The following ALDH18A1 variants were observed in gnomAD, a reference collection of about 807,000 sequenced individuals.
ALDH18A1 encodes the protein delta-1-pyrroline-5-carboxylate synthase.
In ALDH18A1, 44 loss-of-function variants were observed where a neutral mutation model predicts 88.8. The ratio of observed to expected loss-of-function variants is 0.50; its 90% CI spans 0.39 to 0.64. ALDH18A1 has a LOEUF of 0.64. Ranked by LOEUF, ALDH18A1 falls within the 30% of genes least tolerant of loss-of-function variation. ALDH18A1 has a pLI of 0.00. For synonymous variants in ALDH18A1, 331 were observed against 372.1 expected (o/e 0.89, Z 1.27); for missense variants, 782 against 1,009.5 (o/e 0.77, Z 3.05).
intron 12 of ALDH18A1, among the ~76,000 whole-genome samples, chr10:95,617,885 G>A (rs1359224608): frequency 6.6e-6 from 1 of 152,102 alleles, no homozygotes; most frequent in African/African-American, 2.4e-5. Flanking sequence ...AGTCATCACT[G>A]GGGCATTTCT....
intron 10 of ALDH18A1, among the ~76,000 whole-genome samples, chr10:95,625,924 T>C (rs577143074): frequency 1.3e-5 from 2 of 152,226 alleles, no homozygotes; most frequent in Admixed American, 1.3e-4. Context: ...AGTTTTTACA[T>C]CTGGTTCTTC....
At chr10:95,653,600 C>G (rs893397607) in intron 1 of ALDH18A1, among the ~76,000 whole-genome samples, 195 bp from the exon 2 acceptor site, 1 of 152,076 alleles carries the variant, frequency 6.6e-6, no homozygotes, top group African/African-American at 2.4e-5. Context: ...TAGGCCTCAA[C>G]CATCTTAGTT....
intron 13 of ALDH18A1, among the ~76,000 whole-genome samples, chr10:95,614,924 A>G (rs1166380403): frequency 6.6e-6 from 1 of 152,232 alleles, no homozygotes; most frequent in Non-Finnish European, 1.5e-5. Context: ...CAGCAATTAA[A>G]TGAGAAAACT....
intron 3 of ALDH18A1, among the ~76,000 whole-genome samples, chr10:95,638,413 T>C (rs1032844168): frequency 5.9e-5 from 9 of 152,202 alleles, no homozygotes; most frequent in African/African-American, 2.2e-4. Flanking sequence ...GCAAAAGTAA[T>C]TGCAGTTTTA....
At chr10:95,647,964 A>C (rs1317462767) in intron 2 of ALDH18A1, among the ~76,000 whole-genome samples, 2 of 152,316 alleles carry the variant, frequency 1.3e-5, no homozygotes, top group Admixed American at 1.3e-4. Context: ...ATATCTCTTC[A>C]TCTGTTTCCT....
At chr10:95,617,640 A>G (rs1424396136) in intron 12 of ALDH18A1, among the ~76,000 whole-genome samples, 1 of 152,252 alleles carries the variant, frequency 6.6e-6, no homozygotes, top group Admixed American at 6.5e-5. Context: ...AAAGTTAAGT[A>G]AACTTTCTCC....
At chr10:95,637,991 CAACAACAACAACAACAA>C (rs1474048894) in intron 3 of ALDH18A1, among the ~76,000 whole-genome samples, 4 of 147,212 alleles carry the variant, frequency 2.7e-5, no homozygotes, top group African/African-American at 1.1e-4. Flanking sequence ...ACAACAACAA[CAACAACAACAACAACAA>C]CACCCTAAGA....
chr10:95,607,092 C>G, intron 17 of ALDH18A1, 149 bp from the exon 18 acceptor site: 1 of 773,356 alleles, frequency 1.3e-6, no homozygotes, highest in Non-Finnish European at 2.3e-6. Flanking sequence ...CTGAGTCACC[C>G]TGTTCCCATA....
Position 95,648,320 on chromosome 10 carries a change from TTCATCATCATCATCA to T in ALDH18A1, c.88+4955_88+4969del, listed in dbSNP as rs56238714. On this transcript the variant is annotated intron_variant, in intron 2 of 17. Transcript: ENST00000371224. Reference sequence around the variant, plus strand: ...AGTTTGAGCTTTTCCATATTCTACCTTCATCATCATCATCATCATCATCATCATCATCATCATCAT... The same window carrying T: ...AGTTTGAGCTTTTCCATATTCTACCTTCATCATCATCATCATCATCATCAT... 2.0e-3 allele frequency among the ~76,000 whole-genome samples: 303 copies of T among 150,796 alleles called. 3 individuals are homozygous for T. Among genetic ancestry groups the T allele is most frequent in the Admixed American group, 3.9e-3 (59 of 15,118 alleles).
At chr10:95,655,681 A>AGAGT (rs1366372388) in intron 1 of ALDH18A1, among the ~76,000 whole-genome samples, 1 of 150,168 alleles carries the variant, frequency 6.7e-6, no homozygotes, top group African/African-American at 2.5e-5. Flanking sequence ...GAGCAAAGAG[A>AGAGT]GTGTGTGTGT....
At chr10:95,643,816 G>A (rs770859460) in intron 2 of ALDH18A1, among the ~76,000 whole-genome samples, 3 of 151,782 alleles carry the variant, frequency 2.0e-5, no homozygotes, top group Non-Finnish European at 2.9e-5. Context: ...AGAAAAATAT[G>A]GGTGTTTCTA....
chr10:95,616,364 C>T (rs1012918136), intron 13 of ALDH18A1, 113 bp downstream of exon 13: 2 of 1,426,672 alleles, frequency 1.4e-6, no homozygotes, highest in Admixed American at 2.0e-5. Flanking sequence ...GCTGGAGTGT[C>T]AAGTCTGCTT....
chr10:95,630,331 C>T (rs2097866730), intron 7 of ALDH18A1, among the ~76,000 whole-genome samples: 1 of 152,214 alleles, frequency 6.6e-6, no homozygotes, highest in Non-Finnish European at 1.5e-5. Flanking sequence ...TACCCACTAC[C>T]TACTTTGTAG....
chr10:95,638,152 T>C (rs1017453414), intron 3 of ALDH18A1, among the ~76,000 whole-genome samples: 19 of 152,200 alleles, frequency 1.2e-4, no homozygotes, highest in African/African-American at 4.3e-4. Flanking sequence ...TAGCTGGAAC[T>C]ACAGGCTCAT....
Position 95,655,108 on chromosome 10 carries a change from G to C in ALDH18A1, c.-29+1489C>G, listed in dbSNP as rs536502284. Among the ~76,000 whole-genome samples, 3 of 143,172 alleles carry C rather than the reference G, an allele frequency of 2.1e-5. No homozygotes were observed. In the East Asian group the frequency reaches 6.0e-4, roughly 29 times the overall value. 93.9% of individuals were successfully genotyped at this position (143,172 alleles called of 152,430 possible). On this transcript the variant is annotated intron_variant, in intron 1 of 17. Coordinates refer to ENST00000371224, the MANE Select transcript of ALDH18A1 (RefSeq NM_002860.4). ...GCTCTGCACTTGCTGTGTGTCTTGTGGAGAGTTACCCAATTTTTCTTTATT... is the reference window on the plus strand; with the variant it reads ...GCTCTGCACTTGCTGTGTGTCTTGTCGAGAGTTACCCAATTTTTCTTTATT...
chr10:95,645,472 C>T (rs565227570), intron 2 of ALDH18A1, among the ~76,000 whole-genome samples: 7 of 152,130 alleles, frequency 4.6e-5, no homozygotes, highest in Non-Finnish European at 8.8e-5. Context: ...CTAACTCACT[C>T]CCTAACCACA....
At position 95,639,936 on chromosome 10, in the gene ALDH18A1, C is replaced by T. The variant is rs370762885; in HGVS notation, c.304-2500G>A. Among the ~76,000 whole-genome samples the T allele has an allele frequency of 2.6e-5, 4 of 151,120 alleles. No homozygotes were observed. The East Asian group carries it at 7.7e-4, about 29-fold the overall frequency. On this transcript the variant is annotated intron_variant, in intron 3 of 17. Transcript: ENST00000371224. Reference sequence around the variant, plus strand: ...GGTATGAAGGCTTTTTTTTTTTTCCCCAACAAGTCTTTATAAGTTGTGGTG... The same window carrying T: ...GGTATGAAGGCTTTTTTTTTTTTCCTCAACAAGTCTTTATAAGTTGTGGTG...
Position 95,606,249 on chromosome 10 carries a change from G to A in ALDH18A1, c.*513C>T. ...AATACAAAAGGTCAATCTTCCCAGT[G>A]GAAATGATTCCATCGATTTTTGTGA... On this transcript the variant is annotated 3_prime_UTR_variant, in exon 18 of 18. Coordinates refer to ENST00000371224, the MANE Select transcript of ALDH18A1 (RefSeq NM_002860.4). 1 of 997,516 alleles carries A rather than the reference G, an allele frequency of 1.0e-6. No homozygotes were observed. Among genetic ancestry groups the A allele is most frequent in the Non-Finnish European group, 1.2e-6 (1 of 836,532 alleles). 61.8% of individuals were successfully genotyped at this position (997,516 alleles called of 1,614,324 possible). A position where few individuals can be genotyped will look rare whatever the true frequency, so the allele number is the denominator to read the frequency against.
rs1176693072 is a variant in ALDH18A1 at position 95,632,875 on chromosome 10, T to G, written c.808+84A>C. The G allele has an allele frequency of 3.3e-6, 4 of 1,214,354 alleles. No individual in the cohort carries two copies. In the Admixed American group the frequency reaches 7.1e-5, roughly 21 times the overall value. 75.2% of individuals were successfully genotyped at this position (1,214,354 alleles called of 1,614,324 possible). On this transcript the variant is annotated intron_variant, in intron 7 of 17. Transcript: ENST00000371224. Reference sequence around the variant, plus strand: ...TATAGCAAAAAAACATCAGAGGGACTCAAAGAAAGAGGGAAACTCATGTGC... The same window carrying G: ...TATAGCAAAAAAACATCAGAGGGACGCAAAGAAAGAGGGAAACTCATGTGC...
Sources: allele counts gnomAD v4.1 joint callset (sites outside exome capture counted in the v4.1 genomes callset), GRCh38; gene constraint gnomAD v4.1.1; transcripts MANE v1.5; gene names NCBI Gene and HGNC (gene_info 2026-07-23, HGNC 2026-07-21).